LINGO2: variants seen among roughly 807,000 people sequenced by gnomAD.
The protein encoded by LINGO2 is leucine-rich repeat and immunoglobulin-like domain-containing nogo receptor-interacting protein 2.
Under a neutral mutation model 30.6 loss-of-function variants are expected in LINGO2, and 14 were observed. That is an observed-to-expected ratio of 0.46 (90% CI 0.30 to 0.72). The LOEUF is 0.72. Ranked by LOEUF, LINGO2 falls within the 30% of genes least tolerant of loss-of-function variation. The pLI, the probability that LINGO2 is intolerant of heterozygous loss-of-function variation, is 0.07. For synonymous variants in LINGO2, 317 were observed against 288.5 expected (o/e 1.10, Z -1.00); for missense variants, 729 against 751.7 (o/e 0.97, Z 0.35).
intron 1 of LINGO2, among the ~76,000 whole-genome samples, chr9:28,547,057 C>T (rs890293794): frequency 6.6e-6 from 1 of 152,010 alleles, no homozygotes; most frequent in Non-Finnish European, 1.5e-5. Flanking sequence ...AAGTGAAATA[C>T]TAGAAAAAGG....
intron 2 of LINGO2, among the ~76,000 whole-genome samples, chr9:28,472,843 T>C (rs887339809): frequency 1.8e-4 from 27 of 152,156 alleles, no homozygotes; most frequent in African/African-American, 6.5e-4. Flanking sequence ...ATTTGTTGCC[T>C]CCAAAGACAG....
chr9:28,412,632 A>C (rs961734710), intron 2 of LINGO2, among the ~76,000 whole-genome samples: 1 of 152,088 alleles, frequency 6.6e-6, no homozygotes, highest in Admixed American at 6.6e-5. Context: ...CTAATTATAA[A>C]TCTGAAAATA....
intron 1 of LINGO2, among the ~76,000 whole-genome samples, chr9:28,597,136 T>C (rs931325464): frequency 6.6e-6 from 1 of 152,160 alleles, no homozygotes; most frequent in Admixed American, 6.6e-5. Flanking sequence ...AGATGAGTAA[T>C]ATTCCCTCCT....
the LINGO2 span, among the ~76,000 whole-genome samples, chr9:28,815,216 T>C: frequency 1.3e-5 from 2 of 152,170 alleles, no homozygotes; most frequent in Non-Finnish European, 2.9e-5. Flanking sequence ...CAGTTGTAAG[T>C]GATAGGTGAG....
chr9:29,098,927 A>G, the LINGO2 span, among the ~76,000 whole-genome samples: 1 of 152,186 alleles, frequency 6.6e-6, no homozygotes, highest in East Asian at 1.9e-4. Flanking sequence ...AGCCAAAGCT[A>G]TCCTGAGCAA....
At chr9:29,164,006 A>C in the LINGO2 span, among the ~76,000 whole-genome samples, 1 of 152,118 alleles carries the variant, frequency 6.6e-6, no homozygotes, top group African/African-American at 2.4e-5. Flanking sequence ...TAGGTCACAA[A>C]AACACCATAC....
intron 1 of LINGO2, among the ~76,000 whole-genome samples, chr9:28,568,396 A>G (rs1192070699): frequency 6.6e-6 from 1 of 152,028 alleles, no homozygotes; most frequent in African/African-American, 2.4e-5. Flanking sequence ...TACCTGGATG[A>G]CAATCTAACC....
chr9:28,823,112 C>A, the LINGO2 span, among the ~76,000 whole-genome samples: 5 of 152,014 alleles, frequency 3.3e-5, no homozygotes, highest in African/African-American at 1.2e-4. Flanking sequence ...AGTTATTAAG[C>A]CAGGATTTGA....
chr9:28,721,470 T>C, the LINGO2 span, among the ~76,000 whole-genome samples: 1 of 152,158 alleles, frequency 6.6e-6, no homozygotes, highest in African/African-American at 2.4e-5. Flanking sequence ...CATGGAATAC[T>C]ATGCAGCCAT....
rs570511108 is a variant in LINGO2 at position 28,579,867 on chromosome 9, C to T, written c.-365+90333G>A. 4.6e-5 allele frequency among the ~76,000 whole-genome samples: 7 copies of T among 152,220 alleles called. No individual in the cohort carries two copies. In the South Asian group the frequency reaches 1.5e-3, roughly 32 times the overall value. On this transcript the variant is annotated intron_variant, in intron 1 of 5. Coordinates refer to ENST00000379992, the Ensembl canonical transcript of LINGO2. ...ACAGTCAAGAATCACCATTCATACTCCTGTCAAGAATCAATCAGTTTTCTT... is the reference window on the plus strand; with the variant it reads ...ACAGTCAAGAATCACCATTCATACTTCTGTCAAGAATCAATCAGTTTTCTT...
the LINGO2 span, among the ~76,000 whole-genome samples, chr9:28,687,220 G>A: frequency 1.3e-5 from 2 of 152,022 alleles, no homozygotes; most frequent in East Asian, 1.9e-4. Context: ...CATTTACATA[G>A]GTAAGAAATA....
chr9:28,784,508 A>C, the LINGO2 span, among the ~76,000 whole-genome samples: 1 of 152,226 alleles, frequency 6.6e-6, no homozygotes, highest in East Asian at 1.9e-4. Flanking sequence ...TTAACATTTC[A>C]GAATTGTTGT....
intron 3 of LINGO2, among the ~76,000 whole-genome samples, chr9:28,317,760 G>A (rs1193035410): frequency 1.3e-5 from 2 of 152,144 alleles, no homozygotes; most frequent in Non-Finnish European, 2.9e-5. Context: ...TACAGGGTAC[G>A]AGAACAGCCA....
chr9:29,111,940 G>GTGTGTATATATTCATA, the LINGO2 span, among the ~76,000 whole-genome samples: 1 of 68,846 alleles, frequency 1.5e-5, no homozygotes, highest in African/African-American at 5.8e-5. Flanking sequence ...TATATATAAT[G>GTGTGTATATATTCATA]TATTTAATCT....
intron 5 of LINGO2, among the ~76,000 whole-genome samples, chr9:27,987,183 C>G (rs1821165411): frequency 6.6e-6 from 1 of 151,856 alleles, no homozygotes; most frequent in Admixed American, 6.6e-5. Context: ...AAATTTCTCC[C>G]ATAGCAAATA....
intron 4 of LINGO2, among the ~76,000 whole-genome samples, chr9:28,199,000 G>C (rs967186210): frequency 2.0e-5 from 3 of 151,930 alleles, no homozygotes; most frequent in African/African-American, 7.3e-5. Context: ...GATTTGCTTA[G>C]AATGTTATTA....
At chr9:28,019,248 C>T (rs145132602) in intron 4 of LINGO2, among the ~76,000 whole-genome samples, 7 of 151,142 alleles carry the variant, frequency 4.6e-5, no homozygotes, top group Middle Eastern at 3.4e-3. Flanking sequence ...AACAAAGCTA[C>T]ACATATACTG....
At chr9:28,123,313 G>A (rs1013051141) in intron 4 of LINGO2, among the ~76,000 whole-genome samples, 12 of 152,170 alleles carry the variant, frequency 7.9e-5, no homozygotes, top group African/African-American at 2.9e-4. Context: ...TAAAAATAGA[G>A]CATATACTTA....
the LINGO2 span, among the ~76,000 whole-genome samples, chr9:28,924,132 T>C: frequency 6.6e-6 from 1 of 152,236 alleles, no homozygotes. Context: ...CTGTGTACTA[T>C]ACTTTAACTC....
Sources: gnomAD v4.1 joint callset for allele counts (sites outside exome capture counted in the v4.1 genomes callset) on GRCh38, gnomAD v4.1.1 for gene constraint, MANE v1.5 for transcripts, NCBI Gene and HGNC (gene_info 2026-07-23, HGNC 2026-07-21) for gene names.